Variants in TDP2 observed in about 807,000 individuals in gnomAD.
TDP2 encodes the protein 5'-Tyr-DNA phosphodiesterase.
In TDP2, 38 loss-of-function variants were observed where a neutral mutation model predicts 42.8. That is an observed-to-expected ratio of 0.89 (90% CI 0.68 to 1.16). TDP2 has a LOEUF of 1.16. Among genes scored for constraint, TDP2 ranks in the 50% most tolerant of loss-of-function variants. The pLI is 0.00. For synonymous variants in TDP2, 173 were observed against 150.6 expected (o/e 1.15, Z -1.09); for missense variants, 439 against 439.3 (o/e 1.00, Z 0.01).
intron 2 of TDP2, 169 bp from the exon 3 acceptor site, chr6:24,658,903 T>C (rs1185375853): frequency 4.6e-6 from 3 of 653,926 alleles, no homozygotes; most frequent in African/African-American, 1.8e-5. Flanking sequence ...GACAGAAATA[T>C]AATTGAGCAT....
At chr6:24,655,033 C>T (rs892674343) in intron 4 of TDP2, among the ~76,000 whole-genome samples, 7 of 151,594 alleles carry the variant, frequency 4.6e-5, no homozygotes, top group African/African-American at 1.5e-4. Flanking sequence ...AGTGAAATTC[C>T]GTCTCAAAAT....
chr6:24,666,754 T>G lies in TDP2; in HGVS notation c.109A>C (p.Ser37Arg). 6.2e-7 allele frequency: 1 copy of G among 1,614,274 alleles called. No individual in the cohort carries two copies. The highest frequency in any genetic ancestry group is 8.5e-7 in the Non-Finnish European group (1 of 1,180,044). Residue 37 changes from serine to arginine, a missense_variant, in exon 1 of 7, where the codon AGC becomes CGC. Coordinates refer to ENST00000378198, the MANE Select transcript of TDP2 (RefSeq NM_016614.3). ...CACTGAGCCACTGCGGCATCGCAGC[T>G]TGCGACCGAGGCAAACTCCACACAC... Reference protein sequence around the residue: ...LLCVEFASVASCDAAVAQCFL... With the variant: ...LLCVEFASVARCDAAVAQCFL...
At chr6:24,651,801 G>A (rs548749087) in intron 6 of TDP2, among the ~76,000 whole-genome samples, 40 of 152,164 alleles carry the variant, frequency 2.6e-4, no homozygotes, top group Non-Finnish European at 2.9e-5. Flanking sequence ...CGGCCAGGCT[G>A]GTCTCGAACT....
intron 5 of TDP2, among the ~76,000 whole-genome samples, chr6:24,653,687 T>A (rs1160851900): frequency 6.6e-6 from 1 of 152,080 alleles, no homozygotes; most frequent in Admixed American, 6.6e-5. Flanking sequence ...CAGAATCAAG[T>A]CTAATTCTTT....
chr6:24,663,103 T>C (rs1778181108), intron 2 of TDP2, among the ~76,000 whole-genome samples: 1 of 152,154 alleles, frequency 6.6e-6, no homozygotes, highest in African/African-American at 2.4e-5. Flanking sequence ...TGGACTGTCA[T>C]GGGTGATGTA....
At chr6:24,651,122 C>CT in intron 6 of TDP2, 53 bp from the exon 7 acceptor site, 4 of 987,132 alleles carry the variant, frequency 4.1e-6, no homozygotes, top group Non-Finnish European at 5.3e-6. Flanking sequence ...TGCCCACTAA[C>CT]TTAAAAAAAA....
At position 24,654,595 on chromosome 6, in the gene TDP2, G is replaced by GT. The variant is rs1430778423; in HGVS notation, c.518-66dup. On this transcript the variant is annotated intron_variant, in intron 4 of 6. Transcript: ENST00000378198. ...GAGAGTTATTTTCAGTTTACCACAA[G>GT]TTTGCCTATTGAAGAATTTTATAGC... 1.0e-5 allele frequency: 9 copies of GT among 866,434 alleles called. No individual in the cohort carries two copies. The Admixed American group carries it at 1.2e-4, about 12-fold the overall frequency. The allele number at this position is 866,434 out of a possible 1,614,324, so 53.7% of individuals were successfully genotyped here.
intron 5 of TDP2, among the ~76,000 whole-genome samples, chr6:24,653,995 A>T (rs1778018633): frequency 6.6e-6 from 1 of 152,162 alleles, no homozygotes; most frequent in Non-Finnish European, 1.5e-5. Flanking sequence ...TCCACACATC[A>T]TTTATACCTC....
At chr6:24,653,425 C>T (rs1329484092) in intron 5 of TDP2, among the ~76,000 whole-genome samples, 1 of 152,178 alleles carries the variant, frequency 6.6e-6, no homozygotes, top group East Asian at 1.9e-4. Flanking sequence ...CGGCTCCCTC[C>T]TCAATACACC....
chr6:24,651,162 G>C, intron 6 of TDP2, 93 bp from the exon 7 acceptor site: 1 of 1,013,540 alleles, frequency 9.9e-7, no homozygotes, highest in African/African-American at 1.6e-5. Context: ...CTATTACCGT[G>C]CAAGAAATTA....
Position 24,651,079 on chromosome 6 carries a change from A to T in TDP2, c.808-10T>A. 2 of 1,607,942 alleles carry T rather than the reference A, an allele frequency of 1.2e-6. No homozygotes were observed. On this transcript the variant is annotated splice_polypyrimidine_tract_variant and intron_variant, in intron 6 of 6. Coordinates refer to ENST00000378198, the MANE Select transcript of TDP2 (RefSeq NM_016614.3). ...CACCACATCTGGTAACCTGAAAAGA[A>T]GAAGAATACTCTCTAAGATACACAT...
intron 6 of TDP2, 90 bp from the exon 7 acceptor site, chr6:24,651,159 C>T (rs1187475184): frequency 9.3e-7 from 1 of 1,071,976 alleles, no homozygotes; most frequent in Non-Finnish European, 1.3e-6. Context: ...TTGCTATTAC[C>T]GTGCAAGAAA....
In TDP2 at chr6:24,658,566, T is replaced by C; in HGVS notation, c.420A>G (p.Leu140=). 1.9e-6 allele frequency: 3 copies of C among 1,608,744 alleles called. No individual in the cohort carries two copies. The highest frequency in any genetic ancestry group is 2.5e-6 in the Non-Finnish European group (3 of 1,177,690). The change falls in exon 3 of 7, where the codon TTA becomes TTG. Residue 140 remains leucine (L), a synonymous_variant. Coordinates refer to ENST00000378198, the MANE Select transcript of TDP2 (RefSeq NM_016614.3). ...SERARGVCSY[L]ALYSPDVIFL... is the part of the protein sequence containing the mutation. ...ATAGAAGTGATAATACTTACAAAGCTAAGTAGGAACACACCCCTCGAGCCC... is the reference window on the plus strand; with the variant it reads ...ATAGAAGTGATAATACTTACAAAGCCAAGTAGGAACACACCCCTCGAGCCC...
In TDP2 at chr6:24,664,330, T is replaced by TTAA. The variant is rs1554188692; in HGVS notation, c.251+2195_251+2196insTTA. The stretch of plus-strand genomic sequence containing the variant: ...GCATTAGAATTACCTGCACAGCTAA[T>TTAA]AAAAAAAAAAAAAAAAGCCAATAAG... On this transcript the variant is annotated intron_variant, in intron 2 of 6. Coordinates refer to ENST00000378198, the MANE Select transcript of TDP2 (RefSeq NM_016614.3). Among the ~76,000 whole-genome samples, 539 of 78,868 alleles carry TTAA rather than the reference T, an allele frequency of 6.8e-3. 6 individuals are homozygous for TTAA. The highest frequency in any genetic ancestry group is 0.019 in the African/African-American group (493 of 25,966). 51.7% of individuals were successfully genotyped at this position (78,868 alleles called of 152,430 possible). A position where few individuals can be genotyped will look rare whatever the true frequency, so the allele number is the denominator to read the frequency against.
intron 2 of TDP2, among the ~76,000 whole-genome samples, chr6:24,661,609 A>G (rs1437793904): frequency 6.6e-6 from 1 of 152,206 alleles, no homozygotes; most frequent in African/African-American, 2.4e-5. Flanking sequence ...CTTTCAGTGA[A>G]GAATTGTATT....
chr6:24,658,697 T>C lies in TDP2; in HGVS notation c.289A>G (p.Thr97Ala), dbSNP rs895488148. 1 of 1,613,852 alleles carries C rather than the reference T, an allele frequency of 6.2e-7. No individual in the cohort carries two copies. The highest frequency in any genetic ancestry group is 1.3e-5 in the African/African-American group (1 of 75,008). The change falls in exon 3 of 7, where the codon ACT becomes GCT. Residue 97 changes from threonine to alanine, a missense_variant. By Grantham distance (58) the Thr-to-Ala change is moderately conservative (BLOSUM62 0). Transcript: ENST00000378198. ...LTNEETTDST[T>A]SKISPSEDTQ... ...TCTTCAGATGGGCTGATTTTAGAAG[T>C]GGTGGAATCAGTTGTTTCTTCATTG... is the stretch of plus-strand genomic sequence containing the variant.
chr6:24,658,744 T>A lies in TDP2; in HGVS notation c.252-10A>T. On this transcript the variant is annotated splice_polypyrimidine_tract_variant and intron_variant, in intron 2 of 6. Coordinates refer to ENST00000378198, the MANE Select transcript of TDP2 (RefSeq NM_016614.3). Reference sequence around the variant, plus strand: ...ATTGGTTAGGTCAACACTGGCAAGATCAGAATAAAACATGGCTTTGCAAAT... The same window carrying A: ...ATTGGTTAGGTCAACACTGGCAAGAACAGAATAAAACATGGCTTTGCAAAT... The A allele has an allele frequency of 6.2e-7, 1 of 1,608,522 alleles. No homozygotes were observed. Among genetic ancestry groups the A allele is most frequent in the Non-Finnish European group, 8.5e-7 (1 of 1,177,610 alleles).
intron 5 of TDP2, among the ~76,000 whole-genome samples, chr6:24,653,828 G>A (rs963927003): frequency 1.3e-4 from 20 of 152,092 alleles, no homozygotes; most frequent in African/African-American, 4.3e-4. Flanking sequence ...TACACCTCTT[G>A]CAACTTGCAA....
At chr6:24,657,353 G>A (rs1309582598) in intron 4 of TDP2, among the ~76,000 whole-genome samples, 1 of 152,166 alleles carries the variant, frequency 6.6e-6, no homozygotes, top group Non-Finnish European at 1.5e-5. Flanking sequence ...TGAAAATCAC[G>A]AGATGTGGCC....
Sources: gnomAD v4.1 joint callset for allele counts (sites outside exome capture counted in the v4.1 genomes callset) on GRCh38, gnomAD v4.1.1 for gene constraint, MANE v1.5 for transcripts, NCBI Gene and HGNC (gene_info 2026-07-23, HGNC 2026-07-21) for gene names.